ADAMTSL1: variants seen among roughly 807,000 people sequenced by gnomAD.
ADAMTSL1 encodes ADAMTS-like protein 1.
Under a neutral mutation model 201.8 loss-of-function variants are expected in ADAMTSL1, and 126 were observed. The observed-to-expected ratio is 0.62, with a 90% CI of 0.54 to 0.72. The LOEUF (loss-of-function observed/expected upper bound fraction) is 0.72, where lower values mean the gene tolerates loss of function less well. Among genes scored for constraint, ADAMTSL1 ranks in the 30% least tolerant of loss-of-function variants. The probability of loss-of-function intolerance (pLI) is 0.00; values close to 1 mark genes in which losing one functional copy is unlikely to be tolerated. For synonymous variants in ADAMTSL1, 1,121 were observed against 903.4 expected (o/e 1.24, Z -4.32); for missense variants, 2,679 against 2,277.8 (o/e 1.18, Z -3.59).
At chr9:18,513,560 T>C (rs1408779278) in intron 2 of ADAMTSL1, among the ~76,000 whole-genome samples, 4 of 152,226 alleles carry the variant, frequency 2.6e-5, no homozygotes, top group Non-Finnish European at 5.9e-5. Context: ...AGCTGAGAGA[T>C]CATTGCCAAA....
chr9:18,469,809 G>A (rs185036031), upstream of ADAMTSL1, among the ~76,000 whole-genome samples: 4 of 152,270 alleles, frequency 2.6e-5, no homozygotes, highest in South Asian at 2.1e-4. Flanking sequence ...TCCTCCTTCC[G>A]AATTTTTGTA....
At position 17,910,741 on chromosome 9, in the gene ADAMTSL1, A is replaced by C. The variant is rs1013484952; in HGVS notation, c.87+3819A>C. Among the ~76,000 whole-genome samples, 2 of 68,830 alleles carry C rather than the reference A, an allele frequency of 2.9e-5. 1 individual carries two copies. Among genetic ancestry groups the C allele is most frequent in the Non-Finnish European group, 8.9e-5 (2 of 22,440 alleles). The allele number at this position is 68,830 out of a possible 152,430, so 45.2% of individuals were successfully genotyped here. On this transcript the variant is annotated intron_variant, in intron 1 of 29. Transcript: ENST00000680146. Reference sequence around the variant, plus strand: ...GAGTTAACTTGGTCAGGTGTTTGTCAGAGCAGCTGTTTAAAGTCTTCACTT... The same window carrying C: ...GAGTTAACTTGGTCAGGTGTTTGTCCGAGCAGCTGTTTAAAGTCTTCACTT...
chr9:18,118,598 CAG>C (rs1457634113), intron 1 of ADAMTSL1, among the ~76,000 whole-genome samples: 4 of 152,110 alleles, frequency 2.6e-5, no homozygotes, highest in African/African-American at 9.7e-5. Context: ...CTTTGGAACT[CAG>C]AGGCAGAAAA....
intron 4 of ADAMTSL1, among the ~76,000 whole-genome samples, chr9:18,577,556 A>G (rs555564247): frequency 1.3e-5 from 2 of 152,322 alleles, no homozygotes; most frequent in South Asian, 2.1e-4. Flanking sequence ...TGGTCAAGAT[A>G]CGCAACGTCC....
intron 17 of ADAMTSL1, 23 bp from the exon 18 acceptor site, chr9:18,775,720 T>G (rs1243818644): frequency 6.2e-7 from 1 of 1,609,686 alleles, no homozygotes; most frequent in South Asian, 1.1e-5. Flanking sequence ...TTTATGTGCA[T>G]TTGGCCTTTC....
intron 23 of ADAMTSL1, among the ~76,000 whole-genome samples, chr9:18,835,242 T>G (rs540202165): frequency 1.3e-5 from 2 of 152,308 alleles, no homozygotes; most frequent in South Asian, 2.1e-4. Flanking sequence ...TGTATTCATG[T>G]GTTTATTTGC....
chr9:18,160,599 T>C (rs1170339194), intron 1 of ADAMTSL1, among the ~76,000 whole-genome samples: 2 of 151,970 alleles, frequency 1.3e-5, no homozygotes, highest in African/African-American at 2.4e-5. Flanking sequence ...AAAGTAACCA[T>C]GTTTTCCAGT....
At chr9:18,602,882 T>C (rs1454464607) in intron 4 of ADAMTSL1, among the ~76,000 whole-genome samples, 1 of 152,178 alleles carries the variant, frequency 6.6e-6, no homozygotes. Flanking sequence ...GAAGGGACTG[T>C]GTGTTTGTGT....
At chr9:18,327,348 C>A (rs76624530) in intron 2 of ADAMTSL1, among the ~76,000 whole-genome samples, 1 of 152,212 alleles carries the variant, frequency 6.6e-6, no homozygotes, top group South Asian at 2.1e-4. Context: ...TGAGGAGACG[C>A]GTTAATGATC....
chr9:18,593,424 T>C (rs1824051855), intron 4 of ADAMTSL1, among the ~76,000 whole-genome samples: 1 of 152,168 alleles, frequency 6.6e-6, no homozygotes, highest in Admixed American at 6.5e-5. Context: ...CTCTGATCTT[T>C]ATTTTTTTAC....
chr9:18,222,555 A>C (rs1174695611), intron 2 of ADAMTSL1, among the ~76,000 whole-genome samples: 2 of 151,146 alleles, frequency 1.3e-5, no homozygotes, highest in Non-Finnish European at 3.0e-5. Context: ...TTAGGATTTT[A>C]GTCCTACTTT....
intron 1 of ADAMTSL1, among the ~76,000 whole-genome samples, chr9:17,993,583 C>T (rs1304240866): frequency 6.6e-6 from 1 of 152,080 alleles, no homozygotes; most frequent in African/African-American, 2.4e-5. Flanking sequence ...ACAGGATTCT[C>T]TCATTGTCAG....
chr9:17,935,105 C>A (rs1256207370), intron 1 of ADAMTSL1, among the ~76,000 whole-genome samples: 2 of 151,864 alleles, frequency 1.3e-5, no homozygotes, highest in African/African-American at 4.8e-5. Flanking sequence ...ACTGTTTTTT[C>A]AAGGCCATCA....
intron 1 of ADAMTSL1, among the ~76,000 whole-genome samples, chr9:18,011,537 G>A (rs1057428913): frequency 3.1e-4 from 47 of 152,114 alleles, no homozygotes; most frequent in African/African-American, 1.0e-3. Context: ...TGGAAGTGAA[G>A]TCACAAGCTC....
At chr9:18,599,388 T>G (rs1483021523) in intron 4 of ADAMTSL1, among the ~76,000 whole-genome samples, 1 of 152,176 alleles carries the variant, frequency 6.6e-6, no homozygotes, top group Non-Finnish European at 1.5e-5. Context: ...GGGCCTCAAT[T>G]ATTGAAGGGG....
intron 15 of ADAMTSL1, among the ~76,000 whole-genome samples, chr9:18,739,897 A>G (rs1338058868): frequency 4.2e-4 from 41 of 98,374 alleles, no homozygotes; most frequent in African/African-American, 1.3e-3. Context: ...CATGTCTACT[A>G]TCTGTGTGTG....
At chr9:18,690,513 A>G (rs1587908225) in intron 13 of ADAMTSL1, among the ~76,000 whole-genome samples, 1 of 152,238 alleles carries the variant, frequency 6.6e-6, no homozygotes, top group Non-Finnish European at 1.5e-5. Context: ...AAAAGTAACA[A>G]TGAATATCTT....
At chr9:18,526,649 C>G (rs1819074596) in intron 2 of ADAMTSL1, among the ~76,000 whole-genome samples, 1 of 152,158 alleles carries the variant, frequency 6.6e-6, no homozygotes, top group African/African-American at 2.4e-5. Flanking sequence ...AACAAAATCT[C>G]TCAGCATTTG....
chr9:18,304,721 G>GA (rs1163261332), intron 2 of ADAMTSL1, among the ~76,000 whole-genome samples: 2 of 150,976 alleles, frequency 1.3e-5, no homozygotes, highest in Admixed American at 6.6e-5. Flanking sequence ...GTAAGATTCT[G>GA]AAAAAAATAG....
Sources: allele counts gnomAD v4.1 joint callset (sites outside exome capture counted in the v4.1 genomes callset), GRCh38; gene constraint gnomAD v4.1.1; transcripts MANE v1.5; gene names NCBI Gene and HGNC (gene_info 2026-07-23, HGNC 2026-07-21).